Variants in PIBF1 observed in about 807,000 individuals in gnomAD.
PIBF1 encodes progesterone immunomodulatory binding factor 1, also known as progesterone-induced-blocking factor 1.
In PIBF1, 90 loss-of-function variants were observed where a neutral mutation model predicts 112.5. That is an observed-to-expected ratio of 0.80 (90% CI 0.67 to 0.95). The LOEUF is 0.95. Ranked by LOEUF, PIBF1 falls within the 40% of genes least tolerant of loss-of-function variation. PIBF1 has a pLI of 0.00. For synonymous variants in PIBF1, 301 were observed against 288.6 expected (o/e 1.04, Z -0.44); for missense variants, 915 against 852.3 (o/e 1.07, Z -0.92).
At chr13:72,990,584 A>G (rs1165340660) in intron 16 of PIBF1, among the ~76,000 whole-genome samples, 1 of 150,072 alleles carries the variant, frequency 6.7e-6, no homozygotes, top group East Asian at 2.0e-4. Context: ...ATGGTGGCTC[A>G]CACCTGTAAT....
intron 14 of PIBF1, among the ~76,000 whole-genome samples, chr13:72,947,500 G>C (rs747506516): frequency 7.2e-5 from 11 of 152,172 alleles, no homozygotes; most frequent in Non-Finnish European, 1.6e-4. Flanking sequence ...TTGTTACATA[G>C]GCAAATTTCT....
At chr13:72,793,367 A>G (rs934016825) in intron 3 of PIBF1, among the ~76,000 whole-genome samples, 1 of 152,162 alleles carries the variant, frequency 6.6e-6, no homozygotes, top group Non-Finnish European at 1.5e-5. Context: ...ATCAGCCACT[A>G]TCACACTAGA....
intron 10 of PIBF1, among the ~76,000 whole-genome samples, chr13:72,875,673 C>G (rs1269943688): frequency 6.6e-6 from 1 of 152,136 alleles, no homozygotes; most frequent in African/African-American, 2.4e-5. Flanking sequence ...TTTTAACTTA[C>G]ATTTTCCTGA....
chr13:72,832,593 C>G (rs2037175266), intron 8 of PIBF1, among the ~76,000 whole-genome samples: 1 of 152,066 alleles, frequency 6.6e-6, no homozygotes, highest in Admixed American at 6.5e-5. Context: ...GAATATTGGC[C>G]CCCACTCTTT....
At chr13:72,917,039 A>G (rs757715437) in intron 12 of PIBF1, 37 bp from the exon 13 acceptor site, 3 of 1,310,570 alleles carry the variant, frequency 2.3e-6, no homozygotes, top group South Asian at 2.8e-5. Flanking sequence ...AAGGAAAAAT[A>G]AAGTTATTTC....
chr13:72,927,962 C>T (rs5028593), intron 13 of PIBF1, among the ~76,000 whole-genome samples: 58,557 of 100,638 alleles, frequency 0.58, 14,997 homozygotes, highest in East Asian at 0.7. Context: ...TATATATACA[C>T]ATATATATAT....
At chr13:72,886,502 T>C (rs1384911501) in intron 10 of PIBF1, among the ~76,000 whole-genome samples, 1 of 151,944 alleles carries the variant, frequency 6.6e-6, no homozygotes, top group Non-Finnish European at 1.5e-5. Context: ...TCATACATGC[T>C]TTTATTTTAT....
chr13:72,945,786 T>A (rs2042133901), intron 14 of PIBF1, among the ~76,000 whole-genome samples: 1 of 152,164 alleles, frequency 6.6e-6, no homozygotes, highest in African/African-American at 2.4e-5. Context: ...CAAAAATGAA[T>A]ATAAACATTT....
intron 14 of PIBF1, among the ~76,000 whole-genome samples, chr13:72,944,753 A>G (rs1290272974): frequency 6.6e-6 from 1 of 151,780 alleles, no homozygotes; most frequent in Admixed American, 6.6e-5. Context: ...GGGCAGGTTT[A>G]TTATCTGGGT....
intron 14 of PIBF1, among the ~76,000 whole-genome samples, chr13:72,942,348 T>C (rs917345402): frequency 2.6e-5 from 4 of 151,738 alleles, no homozygotes; most frequent in Non-Finnish European, 5.9e-5. Flanking sequence ...TGTGATACAA[T>C]GCTTTGCTAT....
At position 72,893,967 on chromosome 13, in the gene PIBF1, T is replaced by C. The variant is rs1296923552; in HGVS notation, c.1488+18T>C. 1 of 1,535,140 alleles carries C rather than the reference T, an allele frequency of 6.5e-7. No homozygotes were observed. Among genetic ancestry groups the C allele is most frequent in the Non-Finnish European group, 8.8e-7 (1 of 1,133,692 alleles). ...AATTGGAGGTACATGTACAAGCTTTTCTTTCAACATTAGCATGGCATGTAA... is the reference window on the plus strand; with the variant it reads ...AATTGGAGGTACATGTACAAGCTTTCCTTTCAACATTAGCATGGCATGTAA... On this transcript the variant is annotated intron_variant, in intron 11 of 17. Transcript: ENST00000326291.
chr13:72,992,568 C>G (rs1364217997), intron 16 of PIBF1, among the ~76,000 whole-genome samples: 1 of 152,084 alleles, frequency 6.6e-6, no homozygotes. Flanking sequence ...CCGAGGCAGG[C>G]AGATCACTTG....
At chr13:72,951,717 G>A (rs2042300995) in intron 14 of PIBF1, among the ~76,000 whole-genome samples, 1 of 152,100 alleles carries the variant, frequency 6.6e-6, no homozygotes, top group African/African-American at 2.4e-5. Context: ...TTAGACAGAT[G>A]CATAATGACA....
At chr13:72,838,916 T>C (rs2037479685) in intron 9 of PIBF1, among the ~76,000 whole-genome samples, 1 of 152,180 alleles carries the variant, frequency 6.6e-6, no homozygotes, top group African/African-American at 2.4e-5. Flanking sequence ...AATGAAGCTT[T>C]TTGAACAAAC....
chr13:72,960,769 G>A lies in PIBF1; in HGVS notation c.1834-4505G>A, dbSNP rs541681234. On this transcript the variant is annotated intron_variant, in intron 14 of 17. Coordinates refer to ENST00000326291, the MANE Select transcript of PIBF1 (RefSeq NM_006346.4). ...TTGATTTAATTGACTAGACAAACTG[G>A]TTATACAGGTTAGTAGAACTTAGTT... Among the ~76,000 whole-genome samples, 3 of 152,294 alleles carry A rather than the reference G, an allele frequency of 2.0e-5. No individual in the cohort carries two copies. In the East Asian group the frequency reaches 5.8e-4, roughly 29 times the overall value.
intron 16 of PIBF1, among the ~76,000 whole-genome samples, chr13:72,987,684 GT>G (rs35607617): frequency 2.0e-4 from 28 of 141,092 alleles, no homozygotes; most frequent in Admixed American, 1.2e-3. Flanking sequence ...TTCCTTTGTT[GT>G]TTTTTTTTTT....
At chr13:72,896,859 G>T (rs1194550014) in intron 11 of PIBF1, among the ~76,000 whole-genome samples, 1 of 152,166 alleles carries the variant, frequency 6.6e-6, no homozygotes, top group Non-Finnish European at 1.5e-5. Context: ...AATTCTAAAA[G>T]CTTGGAAAAC....
intron 10 of PIBF1, 103 bp from the exon 11 acceptor site, chr13:72,893,681 C>A: frequency 1.7e-6 from 1 of 599,336 alleles, no homozygotes. Flanking sequence ...ATTATTAACT[C>A]CACAAATATG....
At chr13:72,901,304 T>C (rs2040476481) in intron 11 of PIBF1, among the ~76,000 whole-genome samples, 1 of 151,868 alleles carries the variant, frequency 6.6e-6, no homozygotes, top group African/African-American at 2.4e-5. Context: ...CATGAAAAAA[T>C]GCTCAACATT....
Sources: gnomAD v4.1 joint callset for allele counts (sites outside exome capture counted in the v4.1 genomes callset) on GRCh38, gnomAD v4.1.1 for gene constraint, MANE v1.5 for transcripts, NCBI Gene and HGNC (gene_info 2026-07-23, HGNC 2026-07-21) for gene names.